Variants in RHOBTB1 observed in about 807,000 individuals in gnomAD.
The protein encoded by RHOBTB1 is Rho related BTB domain containing 1.
A neutral mutation model predicts 71.6 loss-of-function variants in RHOBTB1; 40 were observed. The observed-to-expected ratio is 0.56, with a 90% CI of 0.43 to 0.73. RHOBTB1 has a LOEUF of 0.73. Among genes scored for constraint, RHOBTB1 ranks in the 30% least tolerant of loss-of-function variants. RHOBTB1 has a pLI of 0.00. For synonymous variants in RHOBTB1, 319 were observed against 334.9 expected, an observed-to-expected ratio of 0.95 and a Z score of 0.52; for missense variants, 797 against 894.0, an observed-to-expected ratio of 0.89 and a Z score of 1.38.
At chr10:60,994,016 T>C (rs1193351182) in intron 1 of RHOBTB1, among the ~76,000 whole-genome samples, 1 of 152,134 alleles carries the variant, frequency 6.6e-6, no homozygotes, top group African/African-American at 2.4e-5. Flanking sequence ...AAATTTTCAC[T>C]GGGGAGGAGT....
chr10:60,889,145 G>C lies in RHOBTB1; in HGVS notation c.523C>G (p.Arg175Gly). 1 of 1,612,928 alleles carries C rather than the reference G, an allele frequency of 6.2e-7. No individual in the cohort carries two copies. The highest frequency in any genetic ancestry group is 8.5e-7 in the Non-Finnish European group (1 of 1,179,458). The change falls in exon 6 of 11, where the codon CGA becomes GGA. Residue 175 changes from arginine (R) to glycine (G), a missense_variant. Around this residue, in one of 2 missense-constraint regions of RHOBTB1, gnomAD observed 658 missense variants for 681.5 expected, o/e 0.97. Transcript: ENST00000337910. ...RGDILPPEKGREVAKELGLPY... is the reference protein window; with the variant it reads ...RGDILPPEKGGEVAKELGLPY... Reference sequence around the variant, plus strand: ...AAGCCAAGTTCCTTTGCTACCTCTCGGCCTTTTTCTGGGGGCAAAATATCC... The same window carrying C: ...AAGCCAAGTTCCTTTGCTACCTCTCCGCCTTTTTCTGGGGGCAAAATATCC...
intron 6 of RHOBTB1, among the ~76,000 whole-genome samples, chr10:60,886,721 G>A (rs572873147): frequency 7.1e-6 from 1 of 141,496 alleles, no homozygotes; most frequent in Non-Finnish European, 1.6e-5. Flanking sequence ...GAGATGTGGG[G>A]GGGGGTGGGT....
At chr10:60,926,395 C>A (rs544312175) in intron 2 of RHOBTB1, among the ~76,000 whole-genome samples, 17 of 152,258 alleles carry the variant, frequency 1.1e-4, no homozygotes, top group Non-Finnish European at 2.1e-4. Flanking sequence ...CCAGTGTTAT[C>A]CTGATACCAC....
chr10:60,892,743 A>G (rs2081981199), intron 5 of RHOBTB1, 67 bp downstream of exon 5: 1 of 1,414,036 alleles, frequency 7.1e-7, no homozygotes, highest in Admixed American at 2.1e-5. Flanking sequence ...ACCAGGCTAC[A>G]GAGACACCTG....
chr10:60,989,509 CCGCTAATCTCTCA>C (rs1396235630), intron 1 of RHOBTB1, among the ~76,000 whole-genome samples: 1 of 152,152 alleles, frequency 6.6e-6, no homozygotes, highest in Non-Finnish European at 1.5e-5. Context: ...CTCCAGTTGC[CCGCTAATCTCTCA>C]CTTCCTCTTC....
chr10:60,906,926 G>A (rs113845217), intron 4 of RHOBTB1, among the ~76,000 whole-genome samples: 2,496 of 152,340 alleles, frequency 0.016, 31 homozygotes, highest in African/African-American at 0.037. Context: ...CTCACATGTC[G>A]TGATGTCGTG....
intron 2 of RHOBTB1, among the ~76,000 whole-genome samples, chr10:60,929,487 C>A (rs1277291184): frequency 6.6e-6 from 1 of 151,884 alleles, no homozygotes; most frequent in Non-Finnish European, 1.5e-5. Context: ...AGCGAAAACA[C>A]CTAGAGATAA....
chr10:60,908,320 A>G (rs1489632923), intron 4 of RHOBTB1, among the ~76,000 whole-genome samples: 2 of 152,216 alleles, frequency 1.3e-5, no homozygotes, highest in Admixed American at 1.3e-4. Context: ...CACTGTCACC[A>G]CAAGAATCAA....
In RHOBTB1 at chr10:60,872,243, G is replaced by A; in HGVS notation, c.1863C>T (p.Cys621=). The change falls in exon 10 of 11, where the codon TGC becomes TGT. Residue 621 remains cysteine (C), a synonymous_variant. Transcript: ENST00000337910. The part of the protein sequence containing the change: ...QLAAWCLHHI[C]TNYNSVCSKF... ...TGGAGCATACACTGTTGTAGTTGGT[G>A]CAGATGTGGTGCAAACACCAGGCGG... The A allele has an allele frequency of 6.2e-7, 1 of 1,614,164 alleles. No individual in the cohort carries two copies. Among genetic ancestry groups the A allele is most frequent in the Non-Finnish European group, 8.5e-7 (1 of 1,180,004 alleles).
chr10:60,986,145 CAG>C (rs1209556492), intron 1 of RHOBTB1, among the ~76,000 whole-genome samples: 1 of 151,980 alleles, frequency 6.6e-6, no homozygotes, highest in Admixed American at 6.6e-5. Context: ...CCTTTGGAGA[CAG>C]AATATCTGGG....
chr10:60,899,255 A>G (rs2082298105), intron 4 of RHOBTB1, among the ~76,000 whole-genome samples: 1 of 152,256 alleles, frequency 6.6e-6, no homozygotes, highest in South Asian at 2.1e-4. Context: ...CTGGTCAACG[A>G]ATGCAGGAGG....
At chr10:60,874,733 C>T (rs765264452) in intron 9 of RHOBTB1, among the ~76,000 whole-genome samples, 32 of 152,180 alleles carry the variant, frequency 2.1e-4, no homozygotes, top group Non-Finnish European at 4.6e-4. Context: ...GACAATGGGA[C>T]TGGCATGGGG....
At chr10:60,929,112 C>T (rs1317879011) in intron 2 of RHOBTB1, among the ~76,000 whole-genome samples, 1 of 152,244 alleles carries the variant, frequency 6.6e-6, no homozygotes, top group Admixed American at 6.5e-5. Flanking sequence ...AGTTTGCCCC[C>T]ATGATTCAAT....
intron 2 of RHOBTB1, among the ~76,000 whole-genome samples, chr10:60,918,556 C>A (rs2083390072): frequency 6.6e-6 from 1 of 152,066 alleles, no homozygotes; most frequent in Non-Finnish European, 1.5e-5. Context: ...TGATTTCAGG[C>A]AAGCGTGCAA....
chr10:60,929,724 TGAA>T (rs911465428), intron 2 of RHOBTB1, among the ~76,000 whole-genome samples: 88 of 152,026 alleles, frequency 5.8e-4, no homozygotes, highest in African/African-American at 1.9e-3. Context: ...TATAATAAAA[TGAA>T]GAAAACTTTT....
chr10:60,989,901 G>A (rs545594353), intron 1 of RHOBTB1, among the ~76,000 whole-genome samples: 1 of 151,996 alleles, frequency 6.6e-6, no homozygotes, highest in African/African-American at 2.4e-5. Context: ...AACAGGTGGG[G>A]CTGTGCTCAT....
intron 2 of RHOBTB1, among the ~76,000 whole-genome samples, chr10:60,924,336 G>A (rs1030184643): frequency 7.9e-5 from 12 of 151,686 alleles, no homozygotes; most frequent in South Asian, 2.1e-4. Flanking sequence ...AATAAAACCC[G>A]CCAAAAAAGA....
At chr10:60,888,158 G>A (rs1216903343) in intron 6 of RHOBTB1, 54 bp downstream of exon 6, 63 of 1,553,606 alleles carry the variant, frequency 4.1e-5, no homozygotes, top group African/African-American at 1.8e-4. Context: ...TCTGGCTAAC[G>A]TTCAATGAAA....
intron 2 of RHOBTB1, among the ~76,000 whole-genome samples, chr10:60,963,760 A>T (rs888267962): frequency 1.3e-5 from 2 of 152,194 alleles, no homozygotes; most frequent in African/African-American, 4.8e-5. Context: ...TTATACCTGT[A>T]TCAAGTAATT....
Sources: gnomAD v4.1 joint callset for allele counts (sites outside exome capture counted in the v4.1 genomes callset) on GRCh38, gnomAD v4.1.1 for gene constraint, gnomAD v4.1.1 regional missense constraint, MANE v1.5 for transcripts, NCBI Gene and HGNC (gene_info 2026-07-23, HGNC 2026-07-21) for gene names.